Variants in LPP observed in about 807,000 individuals in gnomAD.
The protein encoded by LPP is LIM domain containing preferred translocation partner in lipoma.
A neutral mutation model predicts 60.4 loss-of-function variants in LPP; 38 were observed. The ratio of observed to expected loss-of-function variants is 0.63; its 90% CI spans 0.49 to 0.83. The LOEUF (loss-of-function observed/expected upper bound fraction) is 0.83, where lower values mean the gene tolerates loss of function less well. LPP is among the 40% of genes least tolerant of loss of function. The pLI is 0.00. For synonymous variants in LPP, 328 were observed against 290.8 expected (o/e 1.13, Z -1.30); for missense variants, 902 against 783.6 (o/e 1.15, Z -1.80).
At chr3:188,759,048 T>G (rs1309140008) in intron 8 of LPP, among the ~76,000 whole-genome samples, 2 of 152,244 alleles carry the variant, frequency 1.3e-5, no homozygotes, top group Non-Finnish European at 2.9e-5. Context: ...GATAGAATTT[T>G]TTTTAACTTA....
intron 9 of LPP, among the ~76,000 whole-genome samples, chr3:188,841,286 A>G (rs1759895995): frequency 9.8e-6 from 1 of 102,116 alleles, no homozygotes; most frequent in Non-Finnish European, 2.0e-5. Context: ...GCCATGGGAC[A>G]GTGTGGTACA....
chr3:188,763,252 T>C (rs1050700806), intron 9 of LPP, among the ~76,000 whole-genome samples: 122 of 86,948 alleles, frequency 1.4e-3, no homozygotes, highest in Non-Finnish European at 2.8e-3. Flanking sequence ...TGTGCCTGTC[T>C]TTTTTTTTTT....
At chr3:188,749,280 C>T (rs1727298561) in intron 8 of LPP, among the ~76,000 whole-genome samples, 1 of 152,156 alleles carries the variant, frequency 6.6e-6, no homozygotes, top group Admixed American at 6.5e-5. Flanking sequence ...GAGAGTGCTA[C>T]ACTGAGAGCC....
At chr3:188,699,406 AT>A (rs1362954114) in intron 7 of LPP, among the ~76,000 whole-genome samples, 1 of 151,544 alleles carries the variant, frequency 6.6e-6, no homozygotes, top group African/African-American at 2.4e-5. Context: ...GTAATTCAGA[AT>A]CATCCATCCT....
chr3:188,608,072 G>A (rs1017537405), intron 6 of LPP, among the ~76,000 whole-genome samples: 1 of 152,102 alleles, frequency 6.6e-6, no homozygotes, highest in African/African-American at 2.4e-5. Context: ...TAGAGAAGCT[G>A]TGCACAATAG....
At chr3:188,283,623 A>G (rs189259922) in intron 2 of LPP, among the ~76,000 whole-genome samples, 318 of 152,310 alleles carry the variant, frequency 2.1e-3, no homozygotes, top group Non-Finnish European at 3.2e-3. Context: ...TAGAAAGAGG[A>G]TGCGTGATAC....
At chr3:188,414,539 A>T (rs1785672437) in intron 4 of LPP, among the ~76,000 whole-genome samples, 1 of 152,184 alleles carries the variant, frequency 6.6e-6, no homozygotes, top group Non-Finnish European at 1.5e-5. Flanking sequence ...ATAAGTACTC[A>T]TGTCATTAGC....
At chr3:188,235,819 T>C (rs1455273153) in intron 2 of LPP, among the ~76,000 whole-genome samples, 2 of 152,218 alleles carry the variant, frequency 1.3e-5, no homozygotes, top group Non-Finnish European at 2.9e-5. Context: ...GTTTTTGTAC[T>C]ACCAGAATGC....
At chr3:188,206,563 C>T (rs988415938) in intron 1 of LPP, among the ~76,000 whole-genome samples, 4 of 152,130 alleles carry the variant, frequency 2.6e-5, no homozygotes, top group African/African-American at 9.7e-5. Context: ...GAGACAGAAA[C>T]AAATATAAAC....
intron 2 of LPP, among the ~76,000 whole-genome samples, chr3:188,228,384 C>T (rs1447572950): frequency 1.3e-5 from 2 of 152,106 alleles, no homozygotes; most frequent in African/African-American, 4.8e-5. Flanking sequence ...GTGAGGGTCC[C>T]TTTCCCAAAG....
intron 5 of LPP, among the ~76,000 whole-genome samples, chr3:188,488,367 T>C (rs548624054): frequency 6.6e-4 from 98 of 148,726 alleles, no homozygotes; most frequent in African/African-American, 2.3e-3. Flanking sequence ...AGTTCTCATT[T>C]TCATGTGGGA....
At chr3:188,160,707 G>A (rs1376336254) in intron 1 of LPP, among the ~76,000 whole-genome samples, 1 of 152,158 alleles carries the variant, frequency 6.6e-6, no homozygotes, top group Non-Finnish European at 1.5e-5. Flanking sequence ...TTCGGTACTT[G>A]TGTACAAAGT....
chr3:188,852,237 G>A (rs1035516478), intron 9 of LPP, among the ~76,000 whole-genome samples: 1 of 152,126 alleles, frequency 6.6e-6, no homozygotes, highest in Non-Finnish European at 1.5e-5. Flanking sequence ...TCTTTCATGA[G>A]GTTTCTGGTG....
At chr3:188,680,994 CTTTTT>C (rs11307025) in intron 7 of LPP, among the ~76,000 whole-genome samples, 1 of 129,098 alleles carries the variant, frequency 7.7e-6, no homozygotes. Context: ...GGTGCATTTC[CTTTTT>C]TTTTTTTTTT....
At chr3:188,760,403 G>T in intron 9 of LPP, 121 bp downstream of exon 9, 3 of 829,962 alleles carry the variant, frequency 3.6e-6, no homozygotes, top group Admixed American at 2.3e-5. Flanking sequence ...CAAAATGTGT[G>T]TGTGGGGTGT....
At chr3:188,372,539 T>C (rs1387054533) in intron 3 of LPP, among the ~76,000 whole-genome samples, 1 of 152,078 alleles carries the variant, frequency 6.6e-6, no homozygotes, top group Non-Finnish European at 1.5e-5. Context: ...TTTGTTTCTT[T>C]TTCTTTTTTT....
At chr3:188,158,368 A>T (rs1717168448) in intron 1 of LPP, among the ~76,000 whole-genome samples, 2 of 152,100 alleles carry the variant, frequency 1.3e-5, no homozygotes, top group African/African-American at 4.8e-5. Context: ...GGAACATATG[A>T]GGCGGAGAAC....
In LPP at chr3:188,258,492, C is replaced by T. The variant is rs1380478285; in HGVS notation, c.-67+32965C>T. Among the ~76,000 whole-genome samples the T allele has an allele frequency of 2.0e-5, 3 of 152,032 alleles. No individual in the cohort carries two copies. The East Asian group carries it at 5.8e-4, about 29-fold the overall frequency. On this transcript the variant is annotated intron_variant, in intron 2 of 11. Coordinates refer to ENST00000617246, the MANE Select transcript of LPP (RefSeq NM_001375462.1). ...GACACGCCACTACGCCTGGCTAATT[C>T]GTATATTTTGTAGAGACAGGGTTTC...
intron 9 of LPP, among the ~76,000 whole-genome samples, chr3:188,785,547 T>TATATATATATATATATATATATAC (rs1206082559): frequency 2.3e-5 from 1 of 43,838 alleles, no homozygotes; most frequent in African/African-American, 9.4e-5. Context: ...TATATATATA[T>TATATATATATATATATATATATAC]ACACACACAC....
Sources: gnomAD v4.1 joint callset for allele counts (sites outside exome capture counted in the v4.1 genomes callset) on GRCh38, gnomAD v4.1.1 for gene constraint, MANE v1.5 for transcripts, NCBI Gene and HGNC (gene_info 2026-07-23, HGNC 2026-07-21) for gene names.